Variants in TTC28 observed in about 807,000 individuals in gnomAD.
TTC28 encodes tetratricopeptide repeat domain 28.
A neutral mutation model predicts 198.0 loss-of-function variants in TTC28; 61 were observed. The observed-to-expected ratio is 0.31, with a 90% CI of 0.25 to 0.38. TTC28 has a LOEUF of 0.38. Ranked by LOEUF, TTC28 falls within the 10% of genes least tolerant of loss-of-function variation. The pLI is 1.00. For missense variants in TTC28, 2,678 were observed against 3,164.0 expected (o/e 0.85, Z 3.69); for synonymous variants, 1,171 against 1,297.8 (o/e 0.90, Z 2.10).
chr22:28,421,218 C>T (rs1311838219), intron 2 of TTC28, among the ~76,000 whole-genome samples: 2 of 152,130 alleles, frequency 1.3e-5, no homozygotes, highest in Admixed American at 1.3e-4. Context: ...ATGTACAGTA[C>T]CCAATTCTGT....
intron 1 of TTC28, among the ~76,000 whole-genome samples, chr22:28,661,272 G>A (rs890697919): frequency 4.6e-5 from 7 of 152,002 alleles, no homozygotes; most frequent in Non-Finnish European, 7.4e-5. Flanking sequence ...CAACAAGTAC[G>A]AAACTCCATC....
At chr22:28,311,479 G>A (rs2045255678) in intron 2 of TTC28, among the ~76,000 whole-genome samples, 1 of 152,154 alleles carries the variant, frequency 6.6e-6, no homozygotes. Context: ...GTAAACCTTG[G>A]TTTTAAAAGA....
chr22:28,304,595 C>G (rs2045098809), intron 3 of TTC28, among the ~76,000 whole-genome samples: 1 of 152,152 alleles, frequency 6.6e-6, no homozygotes. Context: ...GGGAAAGAAC[C>G]TGGTAGAGAA....
intron 2 of TTC28, among the ~76,000 whole-genome samples, chr22:28,617,544 G>A (rs1364299112): frequency 6.6e-6 from 1 of 152,072 alleles, no homozygotes; most frequent in African/African-American, 2.4e-5. Flanking sequence ...GAAGGTACAT[G>A]AATATGTACC....
rs937280267 is a variant in TTC28, at chr22:28,357,435, C to A, written c.382-50792G>T. ...GACTCAAACAATCCTCCTGCCTCAGCCACCCAAGTAGCTAGGACTACAGGC... is the reference window on the plus strand; with the variant it reads ...GACTCAAACAATCCTCCTGCCTCAGACACCCAAGTAGCTAGGACTACAGGC... On this transcript the variant is annotated intron_variant, in intron 2 of 22. Coordinates refer to ENST00000397906, the MANE Select transcript of TTC28 (RefSeq NM_001145418.2). Among the ~76,000 whole-genome samples, 3 of 150,798 alleles carry A rather than the reference C, an allele frequency of 2.0e-5. No homozygotes were observed. In the South Asian group the frequency reaches 6.3e-4, roughly 32 times the overall value.
At chr22:28,589,122 C>T (rs1057457088) in intron 2 of TTC28, among the ~76,000 whole-genome samples, 2 of 152,134 alleles carry the variant, frequency 1.3e-5, no homozygotes, top group Admixed American at 6.5e-5. Flanking sequence ...CAATTCTTAC[C>T]TCAAGCATTC....
rs1601490984 is a variant in TTC28 at position 27,993,055 on chromosome 22, C to T, written c.5476+232G>A. 2.1e-5 allele frequency: 12 copies of T among 579,946 alleles called. No individual in the cohort carries two copies. The East Asian group carries it at 2.9e-4, about 14-fold the overall frequency. The allele number at this position is 579,946 out of a possible 1,614,324, so 35.9% of individuals were successfully genotyped here. ...CTCCCATCATCCCGGGAAGGGGCAG[C>T]GCCAGTGGGGCGCAGATGCCTGCCA... On this transcript the variant is annotated intron_variant, in intron 18 of 22. Transcript: ENST00000397906.
At chr22:28,648,536 T>C (rs927332635) in intron 1 of TTC28, among the ~76,000 whole-genome samples, 3 of 152,234 alleles carry the variant, frequency 2.0e-5, no homozygotes, top group Admixed American at 2.0e-4. Context: ...AAAAGACACA[T>C]GCATGCATAT....
chr22:28,443,844 A>G (rs1418018977), intron 2 of TTC28, among the ~76,000 whole-genome samples: 2 of 152,224 alleles, frequency 1.3e-5, no homozygotes, highest in African/African-American at 4.8e-5. Context: ...AAATCATTTC[A>G]AAAGACATAC....
chr22:28,379,486 C>G (rs1013054652), intron 2 of TTC28, among the ~76,000 whole-genome samples: 2 of 152,046 alleles, frequency 1.3e-5, no homozygotes, highest in East Asian at 1.9e-4. Context: ...CATAGATGAA[C>G]CTTGAGGACA....
At chr22:28,582,068 A>G (rs1159262575) in intron 2 of TTC28, among the ~76,000 whole-genome samples, 1 of 152,184 alleles carries the variant, frequency 6.6e-6, no homozygotes, top group Non-Finnish European at 1.5e-5. Flanking sequence ...ATTCATACCT[A>G]TAATTATCAA....
At chr22:28,642,750 C>G (rs2051390202) in intron 1 of TTC28, among the ~76,000 whole-genome samples, 1 of 152,120 alleles carries the variant, frequency 6.6e-6, no homozygotes, top group Non-Finnish European at 1.5e-5. Flanking sequence ...AGTAAAAGGT[C>G]AGAGAGGTAA....
chr22:28,296,343 G>GAAA lies in TTC28; in HGVS notation c.803-18_803-16dup, dbSNP rs747128323. On this transcript the variant is annotated splice_polypyrimidine_tract_variant and intron_variant, in intron 4 of 22. Transcript: ENST00000397906. ...TGTCTGGTCACCTGGATTGAATTGA[G>GAAA]AAAAAAAAAAAGAAAAAATTTCTCT... The GAAA allele has an allele frequency of 7.9e-6, 9 of 1,145,506 alleles. No homozygotes were observed. The highest frequency in any genetic ancestry group is 3.5e-5 in the Admixed American group (1 of 28,856). The allele number at this position is 1,145,506 out of a possible 1,614,324, so 71.0% of individuals were successfully genotyped here. A position where few individuals can be genotyped will look rare whatever the true frequency, so the allele number is the denominator to read the frequency against.
chr22:28,152,008 G>A (rs113414571), intron 6 of TTC28, among the ~76,000 whole-genome samples: 2,003 of 152,158 alleles, frequency 0.013, 40 homozygotes, highest in East Asian at 0.085. Flanking sequence ...GAGGGGGCCC[G>A]CAGGCTGTAG....
At chr22:28,152,525 G>A (rs1355773124) in intron 6 of TTC28, among the ~76,000 whole-genome samples, 1 of 152,134 alleles carries the variant, frequency 6.6e-6, no homozygotes, top group Admixed American at 6.5e-5. Context: ...TCTCAGGTGA[G>A]TCACAAATCT....
intron 2 of TTC28, among the ~76,000 whole-genome samples, chr22:28,604,721 G>A (rs769820228): frequency 6.6e-6 from 1 of 151,870 alleles, no homozygotes; most frequent in African/African-American, 2.4e-5. Context: ...CTCCAGCCTG[G>A]GCAACAGAGC....
At chr22:28,256,417 G>A (rs1449366064) in intron 5 of TTC28, among the ~76,000 whole-genome samples, 10 of 128,920 alleles carry the variant, frequency 7.8e-5, no homozygotes, top group African/African-American at 1.5e-4. Context: ...ACAAAACTCC[G>A]TCTCAAAAAA....
chr22:28,255,411 A>C (rs1362434338), intron 5 of TTC28, among the ~76,000 whole-genome samples: 1 of 152,166 alleles, frequency 6.6e-6, no homozygotes, highest in East Asian at 1.9e-4. Flanking sequence ...GCCCGGGCGC[A>C]GTGGCTCACA....
chr22:28,099,044 G>A lies in TTC28; in HGVS notation c.3418C>T (p.Leu1140Phe). 3 of 1,551,974 alleles carry A rather than the reference G, an allele frequency of 1.9e-6. No homozygotes were observed. Among genetic ancestry groups the A allele is most frequent in the Non-Finnish European group, 1.7e-6 (2 of 1,147,056 alleles). ...SGNLEEAQHQ[L>F]YRASALFETI... is the part of the protein sequence containing the mutation. Reference sequence around the variant, plus strand: ...TCAAACAAGGCTGATGCCCTATAAAGCTGCAAGGAGGGAGGAAGAACATCA... The same window carrying A: ...TCAAACAAGGCTGATGCCCTATAAAACTGCAAGGAGGGAGGAAGAACATCA... The change falls in exon 10 of 23, where the codon CTT (leucine) becomes TTT (phenylalanine). Residue 1140 changes from leucine (L) to phenylalanine (F), a missense_variant and splice_region_variant. Coordinates refer to ENST00000397906, the MANE Select transcript of TTC28 (RefSeq NM_001145418.2).
Sources: allele counts gnomAD v4.1 joint callset (sites outside exome capture counted in the v4.1 genomes callset), GRCh38; gene constraint gnomAD v4.1.1; transcripts MANE v1.5; gene names NCBI Gene and HGNC (gene_info 2026-07-23, HGNC 2026-07-21).